PRKCE: variants seen among roughly 807,000 people sequenced by gnomAD.
The protein encoded by PRKCE is protein kinase C epsilon type.
A neutral mutation model predicts 85.4 loss-of-function variants in PRKCE; 16 were observed. The ratio of observed to expected loss-of-function variants is 0.19; its 90% CI spans 0.13 to 0.28. The LOEUF (loss-of-function observed/expected upper bound fraction) is 0.28, where lower values mean the gene tolerates loss of function less well. Ranked by LOEUF, PRKCE falls within the 10% of genes least tolerant of loss-of-function variation. The pLI, the probability that PRKCE is intolerant of heterozygous loss-of-function variation, is 1.00. For missense variants in PRKCE, 573 were observed against 975.2 expected (o/e 0.59, Z 5.49); for synonymous variants, 388 against 371.5 (o/e 1.04, Z -0.51).
intron 2 of PRKCE, among the ~76,000 whole-genome samples, chr2:45,852,270 G>A (rs1199932810): frequency 1.3e-5 from 2 of 152,184 alleles, no homozygotes; most frequent in African/African-American, 2.4e-5. Context: ...AGGGAGAAAT[G>A]TTCTCTGCAA....
chr2:45,911,483 T>A (rs935356688), intron 2 of PRKCE, among the ~76,000 whole-genome samples: 1 of 152,214 alleles, frequency 6.6e-6, no homozygotes, highest in Non-Finnish European at 1.5e-5. Flanking sequence ...CAGGAGGCCA[T>A]ACCTCTGGGC....
chr2:46,069,719 G>A (rs1474121419), intron 10 of PRKCE, among the ~76,000 whole-genome samples: 1 of 152,074 alleles, frequency 6.6e-6, no homozygotes, highest in Non-Finnish European at 1.5e-5. Flanking sequence ...TTAAAGTCTT[G>A]GTAAAAAGAT....
At chr2:45,775,337 AGG>A (rs1470066163) in intron 1 of PRKCE, among the ~76,000 whole-genome samples, 2 of 152,200 alleles carry the variant, frequency 1.3e-5, no homozygotes, top group African/African-American at 4.8e-5. Flanking sequence ...AAAGGGCACA[AGG>A]GAAGGTGGAC....
chr2:46,048,701 G>C (rs1048859250), intron 10 of PRKCE, among the ~76,000 whole-genome samples: 3 of 152,198 alleles, frequency 2.0e-5, no homozygotes, highest in Non-Finnish European at 2.9e-5. Context: ...CTGTTTAGGG[G>C]TGAACCAGTG....
At chr2:46,017,161 C>A (rs1706237126) in intron 10 of PRKCE, among the ~76,000 whole-genome samples, 1 of 152,070 alleles carries the variant, frequency 6.6e-6, no homozygotes, top group East Asian at 1.9e-4. Flanking sequence ...CATCTCCATG[C>A]CTCTTTTCAC....
At chr2:46,007,187 A>G (rs980680331) in intron 8 of PRKCE, among the ~76,000 whole-genome samples, 6 of 152,204 alleles carry the variant, frequency 3.9e-5, no homozygotes, top group African/African-American at 1.4e-4. Context: ...GCTTTCAGAG[A>G]GACAGCCAGG....
chr2:45,678,486 A>G lies in PRKCE; in HGVS notation c.348+26038A>G, dbSNP rs531696971. Among the ~76,000 whole-genome samples the G allele has an allele frequency of 7.9e-5, 12 of 151,852 alleles. No individual in the cohort carries two copies. In the South Asian group the frequency reaches 1.5e-3, roughly 19 times the overall value. On this transcript the variant is annotated intron_variant, in intron 1 of 14. Transcript: ENST00000306156. ...CTTTTGCTGGTTAAGGTAACCAGTC[A>G]TTTCCGAACTTTTTTTCAGTTGTAA...
intron 11 of PRKCE, among the ~76,000 whole-genome samples, chr2:46,127,896 A>C (rs1674017474): frequency 6.6e-6 from 1 of 152,236 alleles, no homozygotes; most frequent in African/African-American, 2.4e-5. Flanking sequence ...TTTCTCAGAC[A>C]TGGCCGTGGG....
At chr2:45,752,946 A>G (rs1489317906) in intron 1 of PRKCE, among the ~76,000 whole-genome samples, 1 of 152,032 alleles carries the variant, frequency 6.6e-6, no homozygotes, top group Admixed American at 6.5e-5. Flanking sequence ...GGCTTTCTGG[A>G]GCATAGACTT....
At chr2:45,921,926 G>A (rs966907827) in intron 2 of PRKCE, among the ~76,000 whole-genome samples, 1 of 152,140 alleles carries the variant, frequency 6.6e-6, no homozygotes, top group Non-Finnish European at 1.5e-5. Context: ...TTTAGTAGTG[G>A]AGATAGGATT....
rs115999818 is a variant in PRKCE, at chr2:46,170,086, A to G, written c.2067+10334A>G. Among the ~76,000 whole-genome samples the G allele has an allele frequency of 9.8e-3, 1,485 of 152,300 alleles. 23 individuals are homozygous for G. Among genetic ancestry groups the G allele is most frequent in the African/African-American group, 0.033 (1,381 of 41,564 alleles). On this transcript the variant is annotated intron_variant, in intron 14 of 14. Coordinates refer to ENST00000306156, the MANE Select transcript of PRKCE (RefSeq NM_005400.3). ...TTGTATTGCAACAAAATTTACATAG[A>G]ATAAATGCACCCATTTCAAGTCCAC...
intron 6 of PRKCE, among the ~76,000 whole-genome samples, chr2:45,991,151 C>A (rs1703760797): frequency 6.6e-6 from 1 of 151,862 alleles, no homozygotes; most frequent in Non-Finnish European, 1.5e-5. Flanking sequence ...GGATTACAGG[C>A]ACCTGCCACC....
At chr2:45,920,644 T>G (rs1490636884) in intron 2 of PRKCE, among the ~76,000 whole-genome samples, 1 of 152,106 alleles carries the variant, frequency 6.6e-6, no homozygotes, top group East Asian at 1.9e-4. Flanking sequence ...GACCACATAT[T>G]GTATGATTGC....
At chr2:46,053,589 G>A (rs77815301) in intron 10 of PRKCE, among the ~76,000 whole-genome samples, 3,925 of 152,182 alleles carry the variant, frequency 0.026, 68 homozygotes, top group Middle Eastern at 0.051. Context: ...TCATGTGAGC[G>A]GAGTCATACA....
At chr2:46,081,595 G>C (rs1213666729) in intron 10 of PRKCE, among the ~76,000 whole-genome samples, 1 of 152,230 alleles carries the variant, frequency 6.6e-6, no homozygotes, top group African/African-American at 2.4e-5. Flanking sequence ...AGCTTCCTGG[G>C]AGAAAAGATG....
At chr2:45,972,345 C>G (rs1702164930) in intron 2 of PRKCE, among the ~76,000 whole-genome samples, 2 of 152,102 alleles carry the variant, frequency 1.3e-5, no homozygotes, top group South Asian at 4.1e-4. Context: ...GTGGGAGTTT[C>G]TTATGTATTT....
At chr2:46,115,949 A>T (rs1672726967) in intron 11 of PRKCE, among the ~76,000 whole-genome samples, 1 of 152,168 alleles carries the variant, frequency 6.6e-6, no homozygotes, top group Admixed American at 6.5e-5. Flanking sequence ...TGTGTCAACC[A>T]AGGGCCTAAA....
At chr2:45,704,536 G>T (rs954496925) in intron 1 of PRKCE, among the ~76,000 whole-genome samples, 1 of 152,162 alleles carries the variant, frequency 6.6e-6, no homozygotes, top group Non-Finnish European at 1.5e-5. Context: ...GTGTTAAAGT[G>T]TCATGACATG....
At chr2:45,819,921 C>G (rs1421646827) in intron 1 of PRKCE, among the ~76,000 whole-genome samples, 3 of 152,186 alleles carry the variant, frequency 2.0e-5, no homozygotes, top group African/African-American at 7.2e-5. Context: ...TGTGTCATTG[C>G]ACAGCCCACT....
Sources: gnomAD v4.1 joint callset for allele counts (sites outside exome capture counted in the v4.1 genomes callset) on GRCh38, gnomAD v4.1.1 for gene constraint, MANE v1.5 for transcripts, NCBI Gene and HGNC (gene_info 2026-07-23, HGNC 2026-07-21) for gene names.